Variants in ASB5 observed in about 807,000 individuals in gnomAD.
The protein encoded by ASB5 is ankyrin repeat and SOCS box containing 5, also known as ankyrin repeat and SOCS box protein 5.
Under a neutral mutation model 42.1 loss-of-function variants are expected in ASB5, and 45 were observed. That is an observed-to-expected ratio of 1.07 (90% CI 0.84 to 1.37). The LOEUF is 1.37. ASB5 is among the 40% of genes most tolerant of loss of function. The pLI, the probability that ASB5 is intolerant of heterozygous loss-of-function variation, is 0.00. For missense variants in ASB5, 402 were observed against 399.8 expected (o/e 1.01, Z -0.05); for synonymous variants, 147 against 150.6 (o/e 0.98, Z 0.18).
chr4:176,249,178 G>A (rs1029371539), intron 1 of ASB5, among the ~76,000 whole-genome samples: 2 of 152,108 alleles, frequency 1.3e-5, no homozygotes, highest in African/African-American at 2.4e-5. Context: ...TCTTGGCCAG[G>A]CTGGTCTTGA....
chr4:176,262,981 G>A (rs1754291020), intron 1 of ASB5, among the ~76,000 whole-genome samples: 1 of 152,130 alleles, frequency 6.6e-6, no homozygotes, highest in Non-Finnish European at 1.5e-5. Context: ...AACCTCATGT[G>A]GAAATTTGAT....
chr4:176,241,211 T>C (rs1040381773), intron 1 of ASB5, among the ~76,000 whole-genome samples: 7 of 152,188 alleles, frequency 4.6e-5, no homozygotes, highest in Non-Finnish European at 1.0e-4. Context: ...ATTTTTATTT[T>C]CTGAAAAGCA....
At chr4:176,271,707 T>C (rs542362901), upstream of ASB5, among the ~76,000 whole-genome samples, 16 of 152,300 alleles carry the variant, frequency 1.1e-4, no homozygotes, top group African/African-American at 3.8e-4. Context: ...TATTTATTTA[T>C]TTATGAATTT....
At chr4:176,251,926 C>T (rs1754045315) in intron 1 of ASB5, among the ~76,000 whole-genome samples, 1 of 151,512 alleles carries the variant, frequency 6.6e-6, no homozygotes, top group Non-Finnish European at 1.5e-5. Flanking sequence ...ATTAGCCAGG[C>T]ATGGTGGTAC....
chr4:176,247,541 C>A (rs576346742), intron 1 of ASB5, among the ~76,000 whole-genome samples: 1 of 152,170 alleles, frequency 6.6e-6, no homozygotes, highest in Non-Finnish European at 1.5e-5. Flanking sequence ...ACTAGACTTA[C>A]ACAAACTGGG....
At chr4:176,227,711 G>A (rs942951343) in intron 1 of ASB5, among the ~76,000 whole-genome samples, 3 of 152,164 alleles carry the variant, frequency 2.0e-5, no homozygotes, top group East Asian at 1.9e-4. Context: ...AGGGGTGGAT[G>A]TAAAATTCAA....
chr4:176,268,920 T>A lies in ASB5; in HGVS notation c.189A>T (p.Gln63His), dbSNP rs1754413988. The stretch of plus-strand genomic sequence containing the variant: ...GGATTATCATAAACATACCTTGTCC[T>A]TGGGTTACTCCATAAAATTCAGCTG... Reference protein sequence around the residue: ...RIAAEFYGVTQGQGSWADRSP... With the variant: ...RIAAEFYGVTHGQGSWADRSP... Residue 63 changes from glutamine (Q) to histidine (H), a missense_variant, in exon 1 of 7, where the codon CAA (glutamine) becomes CAT (histidine). Gln to His is a conservative substitution (Grantham distance 24). Transcript: ENST00000296525. 2.5e-6 allele frequency: 4 copies of A among 1,610,020 alleles called. No individual in the cohort carries two copies. The highest frequency in any genetic ancestry group is 3.4e-6 in the Non-Finnish European group (4 of 1,178,134).
chr4:176,248,612 T>C (rs567958976), intron 1 of ASB5, among the ~76,000 whole-genome samples: 3 of 152,316 alleles, frequency 2.0e-5, no homozygotes, highest in South Asian at 4.1e-4. Flanking sequence ...TTTATAGAAA[T>C]ATTGTTCATA....
rs896618448 is a variant in ASB5, at chr4:176,222,506, T to C, written c.277-86A>G. 21 of 1,229,682 alleles carry C rather than the reference T, an allele frequency of 1.7e-5. 1 individual carries two copies. Among genetic ancestry groups the C allele is most frequent in the African/African-American group, 6.1e-5 (4 of 65,212 alleles). 76.2% of individuals were successfully genotyped at this position (1,229,682 alleles called of 1,614,324 possible). ...ATGGATGTCACTAGAGAGTGATATA[T>C]TTTAGACATCAAAGAATCTCAGGCA... On this transcript the variant is annotated intron_variant, in intron 2 of 6. Coordinates refer to ENST00000296525, the MANE Select transcript of ASB5 (RefSeq NM_080874.4).
chr4:176,268,170 G>T (rs12645180), intron 1 of ASB5, among the ~76,000 whole-genome samples: 34,108 of 151,946 alleles, frequency 0.22, 3,857 homozygotes, highest in East Asian at 0.27. Flanking sequence ...TTAGAGTACC[G>T]ACCCAATAGA....
At chr4:176,241,577 T>C in intron 1 of ASB5, 1 of 1,489,238 alleles carries the variant, frequency 6.7e-7, no homozygotes, top group Non-Finnish European at 8.8e-7. Flanking sequence ...CATACAACCT[T>C]TAGGAGTCAT....
chr4:176,252,372 G>A (rs1007234261), intron 1 of ASB5, among the ~76,000 whole-genome samples: 22 of 152,166 alleles, frequency 1.4e-4, no homozygotes, highest in African/African-American at 5.1e-4. Flanking sequence ...GTTAGAACAG[G>A]TACCATCCTG....
chr4:176,250,008 T>C (rs1753999024), intron 1 of ASB5, among the ~76,000 whole-genome samples: 2 of 145,088 alleles, frequency 1.4e-5, no homozygotes, highest in South Asian at 4.4e-4. Context: ...GAGCTTGCAG[T>C]GAGCCGAGAT....
intron 1 of ASB5, among the ~76,000 whole-genome samples, chr4:176,246,748 A>G (rs1753920968): frequency 6.6e-6 from 1 of 152,242 alleles, no homozygotes; most frequent in Non-Finnish European, 1.5e-5. Flanking sequence ...GTGATGGTTA[A>G]TGACAGAATG....
intron 2 of ASB5, among the ~76,000 whole-genome samples, chr4:176,275,265 G>C (rs1236860137): frequency 2.0e-5 from 3 of 152,000 alleles, no homozygotes; most frequent in South Asian, 4.2e-4. Flanking sequence ...AATTAATAAT[G>C]ATCATTTCTT....
At chr4:176,247,559 G>A (rs1046094639) in intron 1 of ASB5, among the ~76,000 whole-genome samples, 1 of 152,174 alleles carries the variant, frequency 6.6e-6, no homozygotes, top group Non-Finnish European at 1.5e-5. Flanking sequence ...GGGCACTGTA[G>A]TGACTATAGA....
In ASB5 at chr4:176,221,444, A is replaced by C; in HGVS notation, c.535+6T>G. The C allele has an allele frequency of 6.2e-7, 1 of 1,612,394 alleles. No individual in the cohort carries two copies. ...CCCTTGTCACTTAATCCCAGAACTA[A>C]GTTACCTTTACTGGCGGCCTCATGC... On this transcript the variant is annotated splice_donor_region_variant and intron_variant, in intron 4 of 6. Coordinates refer to ENST00000296525, the MANE Select transcript of ASB5 (RefSeq NM_080874.4).
At chr4:176,250,569 G>C (rs1263870285) in intron 1 of ASB5, among the ~76,000 whole-genome samples, 1 of 152,124 alleles carries the variant, frequency 6.6e-6, no homozygotes, top group Non-Finnish European at 1.5e-5. Context: ...CAGTGATCCC[G>C]TCTAACTCCT....
chr4:176,261,384 G>A (rs1754265776), intron 1 of ASB5, among the ~76,000 whole-genome samples: 1 of 152,150 alleles, frequency 6.6e-6, no homozygotes, highest in Admixed American at 6.5e-5. Flanking sequence ...GCTGAATCCT[G>A]TAAAGGTATT....
Sources: allele counts gnomAD v4.1 joint callset (sites outside exome capture counted in the v4.1 genomes callset), GRCh38; gene constraint gnomAD v4.1.1; transcripts MANE v1.5; gene names NCBI Gene and HGNC (gene_info 2026-07-23, HGNC 2026-07-21).